The following PPP1R1C variants were observed in gnomAD, a reference collection of about 807,000 sequenced individuals.
PPP1R1C encodes the protein protein phosphatase 1 regulatory subunit 1C.
A neutral mutation model predicts 17.4 loss-of-function variants in PPP1R1C; 15 were observed. The ratio of observed to expected loss-of-function variants is 0.86; its 90% CI spans 0.58 to 1.33. The LOEUF is 1.33. Among genes scored for constraint, PPP1R1C ranks in the 40% most tolerant of loss-of-function variants. The probability of loss-of-function intolerance (pLI) is 0.00; values close to 1 mark genes in which losing one functional copy is unlikely to be tolerated. For missense variants in PPP1R1C, 143 were observed against 130.0 expected (o/e 1.10, Z -0.48); for synonymous variants, 35 against 43.1 (o/e 0.81, Z 0.73).
chr2:182,009,342 A>G (rs1313974620), intron 2 of PPP1R1C, among the ~76,000 whole-genome samples: 5 of 152,148 alleles, frequency 3.3e-5, no homozygotes, highest in Non-Finnish European at 7.4e-5. Flanking sequence ...ATGAGATGAT[A>G]TCTCATAGTA....
chr2:181,991,319 G>A (rs1018645445), intron 2 of PPP1R1C, among the ~76,000 whole-genome samples: 1 of 152,152 alleles, frequency 6.6e-6, no homozygotes, highest in South Asian at 2.1e-4. Context: ...TTGTATTCTA[G>A]GGGCAGCATA....
At chr2:182,029,076 T>C (rs1686723067) in intron 2 of PPP1R1C, among the ~76,000 whole-genome samples, 1 of 144,022 alleles carries the variant, frequency 6.9e-6, no homozygotes, top group Non-Finnish European at 1.5e-5. Context: ...TAGATCTTCC[T>C]CCATCCTTTT....
chr2:182,094,526 C>G (rs2125223393), intron 4 of PPP1R1C, among the ~76,000 whole-genome samples: 1 of 152,266 alleles, frequency 6.6e-6, no homozygotes, highest in African/African-American at 2.4e-5. Context: ...TGATCTCTTT[C>G]CAGGCTAATG....
intron 5 of PPP1R1C, among the ~76,000 whole-genome samples, chr2:182,124,711 T>A (rs1574470515): frequency 6.6e-6 from 1 of 152,274 alleles, no homozygotes; most frequent in East Asian, 1.9e-4. Context: ...ATTATTGGTG[T>A]ATAGGAATGC....
intron 4 of PPP1R1C, among the ~76,000 whole-genome samples, chr2:182,072,934 C>T (rs1688181388): frequency 6.6e-6 from 1 of 152,166 alleles, no homozygotes; most frequent in Non-Finnish European, 1.5e-5. Flanking sequence ...TCACTAATTC[C>T]TTTAGAGTAA....
chr2:182,052,131 G>T (rs891897300), intron 2 of PPP1R1C, among the ~76,000 whole-genome samples: 1 of 152,080 alleles, frequency 6.6e-6, no homozygotes. Context: ...ATCAAATACC[G>T]TTGTATCTAA....
At position 181,986,315 on chromosome 2, in the gene PPP1R1C, A is replaced by G; in HGVS notation, c.81+124A>G. ...AACTCTGACTTTCAAGATAATGTAA[A>G]CAAGAAATAAGTTGGTTTTTACACA... On this transcript the variant is annotated intron_variant, in intron 1 of 4. Transcript: ENST00000682840. The G allele has an allele frequency of 8.0e-6, 6 of 753,378 alleles. 1 individual carries two copies. The South Asian group carries it at 1.0e-4, about 13-fold the overall frequency. 46.7% of individuals were successfully genotyped at this position (753,378 alleles called of 1,614,324 possible).
chr2:182,010,793 T>C (rs1284398774), intron 2 of PPP1R1C, among the ~76,000 whole-genome samples: 1 of 152,034 alleles, frequency 6.6e-6, no homozygotes, highest in Non-Finnish European at 1.5e-5. Flanking sequence ...TGGAGGTATG[T>C]ACCTTCTATT....
upstream of PPP1R1C, among the ~76,000 whole-genome samples, chr2:181,981,015 G>A (rs1386940784): frequency 2.1e-5 from 3 of 142,880 alleles, no homozygotes; most frequent in Admixed American, 1.4e-4. Context: ...TGCAAGCTCC[G>A]CCTCCCGGGT....
In PPP1R1C at chr2:182,076,181, C is replaced by CTTTT. The variant is rs1319925818; in HGVS notation, c.241+12397_241+12400dup. Among the ~76,000 whole-genome samples, 32 of 47,524 alleles carry CTTTT rather than the reference C, an allele frequency of 6.7e-4. 4 individuals are homozygous for CTTTT. Among genetic ancestry groups the CTTTT allele is most frequent in the African/African-American group, 2.4e-3 (28 of 11,604 alleles). 31.2% of individuals were successfully genotyped at this position (47,524 alleles called of 152,430 possible). Reference sequence around the variant, plus strand: ...TTATCTATAAATCAAGGATTTTGAACTTTTTTTTTTCTTTTCTTTTTTTTT... The same window carrying CTTTT: ...TTATCTATAAATCAAGGATTTTGAACTTTTTTTTTTTTTTCTTTTCTTTTTTTTT... On this transcript the variant is annotated intron_variant, in intron 4 of 4. Transcript: ENST00000682840.
intron 2 of PPP1R1C, among the ~76,000 whole-genome samples, chr2:182,040,473 T>C (rs1467862816): frequency 2.0e-5 from 3 of 152,236 alleles, no homozygotes; most frequent in East Asian, 1.9e-4. Flanking sequence ...TGCCTATTCA[T>C]GTCATTTGCC....
chr2:182,074,024 A>G (rs1448379328), intron 4 of PPP1R1C, among the ~76,000 whole-genome samples: 1 of 150,874 alleles, frequency 6.6e-6, no homozygotes, highest in East Asian at 1.9e-4. Flanking sequence ...AGGACAAAGT[A>G]GTTAAAAATT....
chr2:181,963,441 C>A (rs942977673), intron 1 of PPP1R1C, among the ~76,000 whole-genome samples: 1 of 152,162 alleles, frequency 6.6e-6, no homozygotes, highest in Non-Finnish European at 1.5e-5. Context: ...GAGTTCAAGA[C>A]CAGCCTGGCC....
chr2:182,080,227 C>T (rs965819664), intron 4 of PPP1R1C, among the ~76,000 whole-genome samples: 4 of 152,296 alleles, frequency 2.6e-5, no homozygotes, highest in Admixed American at 6.5e-5. Context: ...CATATCTTCT[C>T]GACAGCACAT....
At chr2:182,063,016 A>C (rs896188633) in intron 3 of PPP1R1C, among the ~76,000 whole-genome samples, 4 of 152,076 alleles carry the variant, frequency 2.6e-5, no homozygotes, top group African/African-American at 9.7e-5. Flanking sequence ...TAAATGAATA[A>C]TATGTATATC....
intron 5 of PPP1R1C, among the ~76,000 whole-genome samples, chr2:182,128,183 G>T (rs1269221489): frequency 6.6e-6 from 1 of 152,074 alleles, no homozygotes; most frequent in Non-Finnish European, 1.5e-5. Flanking sequence ...AAACTCATGG[G>T]TGTATATTTT....
intron 1 of PPP1R1C, among the ~76,000 whole-genome samples, chr2:181,958,919 C>T (rs1301608912): frequency 1.3e-5 from 2 of 152,142 alleles, no homozygotes; most frequent in African/African-American, 4.8e-5. Context: ...ATGAGTAATG[C>T]TGTTATAAAT....
chr2:182,076,181 CTTTTTTTTTTCTTTTCTT>C (rs1688293020), intron 4 of PPP1R1C, among the ~76,000 whole-genome samples: 3 of 47,484 alleles, frequency 6.3e-5, no homozygotes, highest in African/African-American at 2.6e-4. Flanking sequence ...GGATTTTGAA[CTTTTTTTTTTCTTTTCTT>C]TTTTTTTTTT....
At chr2:182,108,078 A>C (rs779581545) in intron 4 of PPP1R1C, among the ~76,000 whole-genome samples, 1 of 152,006 alleles carries the variant, frequency 6.6e-6, no homozygotes, top group African/African-American at 2.4e-5. Flanking sequence ...ATTGTTTCCT[A>C]GGTTAAAAAA....
Sources: allele counts gnomAD v4.1 joint callset (sites outside exome capture counted in the v4.1 genomes callset), GRCh38; gene constraint gnomAD v4.1.1; transcripts MANE v1.5; gene names NCBI Gene and HGNC (gene_info 2026-07-23, HGNC 2026-07-21).